HS3ST3A1: variants seen among roughly 807,000 people sequenced by gnomAD.
HS3ST3A1 encodes heparan sulfate-glucosamine 3-sulfotransferase 3A1.
A neutral mutation model predicts 25.7 loss-of-function variants in HS3ST3A1; 19 were observed. The observed-to-expected ratio is 0.74, with a 90% confidence interval of 0.52 to 1.08. HS3ST3A1 has a LOEUF of 1.08. Ranked by LOEUF, HS3ST3A1 falls within the 50% of genes least tolerant of loss-of-function variation. HS3ST3A1 has a pLI of 0.00. For synonymous variants in HS3ST3A1, 226 were observed against 278.6 expected, an observed-to-expected ratio of 0.81 and a Z score of 1.88; for missense variants, 459 against 594.3, an observed-to-expected ratio of 0.77 and a Z score of 2.37.
chr17:13,561,325 C>T (rs2142365384), intron 1 of HS3ST3A1, among the ~76,000 whole-genome samples: 1 of 152,128 alleles, frequency 6.6e-6, no homozygotes, highest in Non-Finnish European at 1.5e-5. Context: ...TGCATTTTTC[C>T]TTCCCTCTGC....
intron 1 of HS3ST3A1, among the ~76,000 whole-genome samples, chr17:13,571,756 G>A (rs1405174209): frequency 6.6e-6 from 1 of 152,146 alleles, no homozygotes; most frequent in Non-Finnish European, 1.5e-5. Context: ...TCATAATAAT[G>A]TTTTGTTGTT....
At chr17:13,540,971 CAT>C (rs909658746) in intron 1 of HS3ST3A1, among the ~76,000 whole-genome samples, 5 of 152,204 alleles carry the variant, frequency 3.3e-5, no homozygotes, top group African/African-American at 9.6e-5. Context: ...TAAGGGAACA[CAT>C]GTGGATTTGT....
At chr17:13,515,813 AG>A (rs1906035212) in intron 1 of HS3ST3A1, among the ~76,000 whole-genome samples, 1 of 152,084 alleles carries the variant, frequency 6.6e-6, no homozygotes, top group South Asian at 2.1e-4. Flanking sequence ...TAATGTTATC[AG>A]TTTTTAAAAA....
intron 1 of HS3ST3A1, among the ~76,000 whole-genome samples, chr17:13,576,064 A>G (rs548989996): frequency 3.3e-5 from 5 of 152,250 alleles, no homozygotes; most frequent in Non-Finnish European, 7.3e-5. Context: ...AGTTTTAATC[A>G]GCTCTCCAGG....
At chr17:13,596,879 G>A (rs965500334) in intron 1 of HS3ST3A1, among the ~76,000 whole-genome samples, 2 of 152,050 alleles carry the variant, frequency 1.3e-5, no homozygotes, top group South Asian at 2.1e-4. Flanking sequence ...CCTAGGAATC[G>A]AAAGGGCCTC....
intron 1 of HS3ST3A1, among the ~76,000 whole-genome samples, chr17:13,547,770 A>G (rs1907127039): frequency 6.6e-6 from 1 of 152,158 alleles, no homozygotes; most frequent in Non-Finnish European, 1.5e-5. Context: ...AGTCAGAAGT[A>G]CAGGAGGCCT....
chr17:13,600,531 CGGTACCA>C lies in HS3ST3A1; in HGVS notation c.592_598del (p.Trp198GlyfsTer3). 6.3e-7 allele frequency: 1 copy of C among 1,594,210 alleles called. No homozygotes were observed. Among genetic ancestry groups the C allele is most frequent in the Non-Finnish European group, 8.5e-7 (1 of 1,175,740 alleles). On this transcript the variant is annotated frameshift_variant and splice_region_variant, in exon 1 of 2. Transcript: ENST00000284110. LOFTEE classifies it high-confidence loss of function. The stretch of plus-strand genomic sequence containing the variant: ...CCCAGCCCGGGCCCGCCCCGCTCAC[CGGTACCA>C]GGCGAGGCCCTTGTCGTAGCTGCGG...
At chr17:13,600,124 A>G (rs1434235804) in intron 1 of HS3ST3A1, among the ~76,000 whole-genome samples, 4 of 152,240 alleles carry the variant, frequency 2.6e-5, no homozygotes, top group Non-Finnish European at 5.9e-5. Context: ...AACCACAAAG[A>G]ACTTTCCAAA....
Position 13,588,956 on chromosome 17 carries a change from C to A in HS3ST3A1, c.599+11575G>T, listed in dbSNP as rs114647743. On this transcript the variant is annotated intron_variant, in intron 1 of 1. Coordinates refer to ENST00000284110, the MANE Select transcript of HS3ST3A1 (RefSeq NM_006042.3). ...GGGATTACAGGCATGATATATAGTTCCATTTTTAAAGAATGATTGATTTTA... is the reference window on the plus strand; with the variant it reads ...GGGATTACAGGCATGATATATAGTTACATTTTTAAAGAATGATTGATTTTA... 3.8e-3 allele frequency among the ~76,000 whole-genome samples: 585 copies of A among 152,238 alleles called. 3 individuals are homozygous for A. Among genetic ancestry groups the A allele is most frequent in the African/African-American group, 0.013 (544 of 41,552 alleles).
In HS3ST3A1 at chr17:13,496,118, T is replaced by C; in HGVS notation, c.*79A>G. On this transcript the variant is annotated 3_prime_UTR_variant, in exon 2 of 2. Transcript: ENST00000284110. Reference sequence around the variant, plus strand: ...TACTGAAACATATTTTCAGCACAAATATTAAACTGTCTCTTCTCTACCGAT... The same window carrying C: ...TACTGAAACATATTTTCAGCACAAACATTAAACTGTCTCTTCTCTACCGAT... The C allele has an allele frequency of 2.2e-6, 3 of 1,387,046 alleles. No individual in the cohort carries two copies. Among genetic ancestry groups the C allele is most frequent in the Non-Finnish European group, 2.9e-6 (3 of 1,050,662 alleles). The allele number at this position is 1,387,046 out of a possible 1,614,324, so 85.9% of individuals were successfully genotyped here.
chr17:13,594,047 G>T (rs1164601625), intron 1 of HS3ST3A1, among the ~76,000 whole-genome samples: 1 of 152,168 alleles, frequency 6.6e-6, no homozygotes. Flanking sequence ...CACTTTTGAA[G>T]GGTACTGGTC....
intron 1 of HS3ST3A1, among the ~76,000 whole-genome samples, chr17:13,502,426 G>A (rs527885807): frequency 6.6e-6 from 1 of 152,156 alleles, no homozygotes; most frequent in African/African-American, 2.4e-5. Context: ...GAACCACCTG[G>A]GAGAGCTCTC....
At chr17:13,574,251 A>T (rs967052793) in intron 1 of HS3ST3A1, among the ~76,000 whole-genome samples, 17 of 150,446 alleles carry the variant, frequency 1.1e-4, no homozygotes, top group African/African-American at 4.2e-4. Context: ...CTCCTGCCTC[A>T]GACTCCCAAG....
chr17:13,594,949 C>A (rs1908536152), intron 1 of HS3ST3A1, among the ~76,000 whole-genome samples: 1 of 152,144 alleles, frequency 6.6e-6, no homozygotes, highest in Non-Finnish European at 1.5e-5. Flanking sequence ...ACTCCTCCTC[C>A]CACTAGGTGG....
At chr17:13,582,690 T>C (rs766868388) in intron 1 of HS3ST3A1, among the ~76,000 whole-genome samples, 5 of 152,198 alleles carry the variant, frequency 3.3e-5, no homozygotes, top group Admixed American at 2.0e-4. Context: ...TTCATTTGCA[T>C]AGTACTACTT....
intron 1 of HS3ST3A1, among the ~76,000 whole-genome samples, chr17:13,590,540 G>A (rs1298002425): frequency 1.3e-5 from 2 of 152,158 alleles, no homozygotes; most frequent in Non-Finnish European, 2.9e-5. Flanking sequence ...CTATTCGGAA[G>A]ACAATCTTTA....
intron 1 of HS3ST3A1, among the ~76,000 whole-genome samples, chr17:13,538,087 T>G (rs145151670): frequency 0.01 from 1,539 of 152,346 alleles, 16 homozygotes; most frequent in Middle Eastern, 0.02. Context: ...CAGGGCTACA[T>G]TTGTGTATTT....
At chr17:13,516,921 C>T (rs1331929746) in intron 1 of HS3ST3A1, among the ~76,000 whole-genome samples, 1 of 152,014 alleles carries the variant, frequency 6.6e-6, no homozygotes, top group Non-Finnish European at 1.5e-5. Context: ...CTCCTGACCT[C>T]GTGACCCGCC....
intron 1 of HS3ST3A1, among the ~76,000 whole-genome samples, chr17:13,507,369 T>A (rs1905719682): frequency 1.3e-5 from 2 of 152,230 alleles, no homozygotes; most frequent in South Asian, 4.1e-4. Context: ...CAAGCACACA[T>A]AGTTGCTAAT....
Sources: gnomAD v4.1 joint callset for allele counts (sites outside exome capture counted in the v4.1 genomes callset) on GRCh38, gnomAD v4.1.1 for gene constraint, MANE v1.5 for transcripts, NCBI Gene and HGNC (gene_info 2026-07-23, HGNC 2026-07-21) for gene names.